Variants in SORL1 observed in about 807,000 individuals in gnomAD.
SORL1 encodes the protein sortilin-related receptor.
In SORL1, 127 loss-of-function variants were observed where a neutral mutation model predicts 273.7. The ratio of observed to expected loss-of-function variants is 0.46; its 90% CI spans 0.40 to 0.54. SORL1 has a LOEUF of 0.54. SORL1 is among the 20% of genes least tolerant of loss of function. The pLI is 0.00. For synonymous variants in SORL1, 1,031 were observed against 1,067.4 expected (o/e 0.97, Z 0.66); for missense variants, 2,494 against 2,846.1 (o/e 0.88, Z 2.81).
At chr11:121,487,062 G>A (rs934957795) in intron 3 of SORL1, among the ~76,000 whole-genome samples, 4 of 152,270 alleles carry the variant, frequency 2.6e-5, no homozygotes, top group African/African-American at 9.6e-5. Context: ...CCCTGTGGGA[G>A]TCTCACCTGC....
intron 22 of SORL1, among the ~76,000 whole-genome samples, chr11:121,569,231 A>G (rs185435542): frequency 2.0e-3 from 299 of 152,336 alleles, no homozygotes; most frequent in Middle Eastern, 6.8e-3. Context: ...ATGTCGCCTC[A>G]GGACCCTGTG....
chr11:121,613,159 T>C (rs954063418), intron 40 of SORL1, among the ~76,000 whole-genome samples: 4 of 152,242 alleles, frequency 2.6e-5, no homozygotes, highest in African/African-American at 9.6e-5. Context: ...TTCTTAGATA[T>C]AGACAGTTAC....
chr11:121,571,478 G>C (rs1862843296), intron 23 of SORL1, among the ~76,000 whole-genome samples: 1 of 152,260 alleles, frequency 6.6e-6, no homozygotes, highest in African/African-American at 2.4e-5. Flanking sequence ...GTAGTGGGCA[G>C]AATGCGTTTG....
intron 14 of SORL1, among the ~76,000 whole-genome samples, chr11:121,546,075 A>G (rs537398077): frequency 1.3e-5 from 2 of 152,322 alleles, no homozygotes; most frequent in African/African-American, 2.4e-5. Context: ...GGGAGCATCA[A>G]TATTTGCAGA....
At chr11:121,499,091 C>T (rs187136462) in intron 6 of SORL1, among the ~76,000 whole-genome samples, 12 of 152,174 alleles carry the variant, frequency 7.9e-5, no homozygotes, top group Non-Finnish European at 1.8e-4. Flanking sequence ...GCAGCAGATG[C>T]GCAATAGAGT....
chr11:121,477,161 A>G (rs1861282245), intron 2 of SORL1, among the ~76,000 whole-genome samples: 1 of 152,158 alleles, frequency 6.6e-6, no homozygotes, highest in African/African-American at 2.4e-5. Flanking sequence ...AAGTTATTTT[A>G]ATATATTCAC....
intron 25 of SORL1, 65 bp from the exon 26 acceptor site, chr11:121,583,393 C>G (rs560334808): frequency 4.5e-4 from 699 of 1,537,722 alleles, no homozygotes; most frequent in Non-Finnish European, 5.9e-4. Context: ...CAGCCCACCC[C>G]CTTGGACAGT....
intron 2 of SORL1, among the ~76,000 whole-genome samples, chr11:121,475,481 T>G (rs1861250591): frequency 6.6e-6 from 1 of 152,178 alleles, no homozygotes; most frequent in Admixed American, 6.5e-5. Flanking sequence ...GGAAGAGCTC[T>G]TTGATAGTGA....
In SORL1 at chr11:121,586,704, GC is replaced by G. The variant is rs1373906375; in HGVS notation, c.3814+376del. Among the ~76,000 whole-genome samples the G allele has an allele frequency of 3.0e-3, 35 of 11,536 alleles. 1 individual carries two copies. The highest frequency in any genetic ancestry group is 5.4e-3 in the Non-Finnish European group (23 of 4,236). The allele number at this position is 11,536 out of a possible 152,430, so 7.6% of individuals were successfully genotyped here. A position where few individuals can be genotyped will look rare whatever the true frequency, so the allele number is the denominator to read the frequency against. On this transcript the variant is annotated intron_variant, in intron 27 of 47. Coordinates refer to ENST00000260197, the MANE Select transcript of SORL1 (RefSeq NM_003105.6). ...CACTGGGGGTAGAGTGGGGGGGGGG[GC>G]GGGGGGGGGGCATTTTTAGGCCAGA...
chr11:121,528,319 A>G (rs982387794), intron 11 of SORL1, among the ~76,000 whole-genome samples: 2 of 152,094 alleles, frequency 1.3e-5, no homozygotes, highest in African/African-American at 2.4e-5. Flanking sequence ...AAATAAAAAA[A>G]TTAACTGGGC....
intron 45 of SORL1, among the ~76,000 whole-genome samples, chr11:121,623,164 A>G (rs1234231194): frequency 6.6e-6 from 1 of 152,254 alleles, no homozygotes; most frequent in African/African-American, 2.4e-5. Flanking sequence ...AGGGACATGT[A>G]ACAAAGCGGA....
At chr11:121,506,417 G>C (rs1394393565) in intron 6 of SORL1, among the ~76,000 whole-genome samples, 1 of 152,110 alleles carries the variant, frequency 6.6e-6, no homozygotes, top group Admixed American at 6.5e-5. Flanking sequence ...AGGCAAGCAG[G>C]AGCAAGTCAT....
Position 121,612,839 on chromosome 11 carries a change from C to T in SORL1, c.5419+7C>T, listed in dbSNP as rs1169646604. 1 of 1,600,086 alleles carries T rather than the reference C, an allele frequency of 6.2e-7. No homozygotes were observed. Among genetic ancestry groups the T allele is most frequent in the African/African-American group, 1.3e-5 (1 of 74,784 alleles). ...AGCATATTGTCACACAAAGGTAACA[C>T]TTTGGTGCTGGTCAGTGTGTGTGCA... is the stretch of plus-strand genomic sequence containing the variant. On this transcript the variant is annotated splice_region_variant and intron_variant, in intron 40 of 47. Transcript: ENST00000260197.
At chr11:121,557,090 T>G in intron 18 of SORL1, 1 of 577,820 alleles carries the variant, frequency 1.7e-6, no homozygotes, top group East Asian at 2.9e-5. Flanking sequence ...TACATGGTTC[T>G]AGCTCCTCTT....
intron 38 of SORL1, 114 bp from the exon 39 acceptor site, chr11:121,610,962 C>G (rs375949096): frequency 2.8e-6 from 2 of 702,602 alleles, no homozygotes; most frequent in Non-Finnish European, 2.5e-6. Context: ...AAAGAAATAC[C>G]CTTTCTTCCC....
At chr11:121,523,135 C>T (rs1289701640) in intron 11 of SORL1, 146 bp downstream of exon 11, 1 of 631,734 alleles carries the variant, frequency 1.6e-6, no homozygotes, top group East Asian at 2.7e-5. Flanking sequence ...AAGAAAGGTA[C>T]CTGAAGCCAC....
At chr11:121,505,282 G>A (rs1353796895) in intron 6 of SORL1, among the ~76,000 whole-genome samples, 2 of 151,790 alleles carry the variant, frequency 1.3e-5, no homozygotes, top group African/African-American at 4.8e-5. Context: ...CTGTGAGGTT[G>A]TTAATGATGT....
At chr11:121,618,927 G>A (rs751112952) in intron 42 of SORL1, 34 bp downstream of exon 42, 1 of 1,612,916 alleles carries the variant, frequency 6.2e-7, no homozygotes, top group African/African-American at 1.3e-5. Context: ...TTTTTTAAGG[G>A]ATGTCTTAAG....
chr11:121,575,534 G>A (rs181682197), intron 24 of SORL1, among the ~76,000 whole-genome samples: 66 of 152,350 alleles, frequency 4.3e-4, no homozygotes, highest in Admixed American at 4.2e-3. Flanking sequence ...CAGGTGGTTT[G>A]ACTCACAGCA....
Sources: allele counts gnomAD v4.1 joint callset (sites outside exome capture counted in the v4.1 genomes callset), GRCh38; gene constraint gnomAD v4.1.1; transcripts MANE v1.5; gene names NCBI Gene and HGNC (gene_info 2026-07-23, HGNC 2026-07-21).